Variants in TRIP13 observed in about 807,000 individuals in gnomAD.
The protein encoded by TRIP13 is pachytene checkpoint protein 2 homolog.
TRIP13 carries 25 observed loss-of-function variants against 54.4 expected under a neutral mutation model. That is an observed-to-expected ratio of 0.46 (90% CI 0.33 to 0.64). The LOEUF is 0.64. Ranked by LOEUF, TRIP13 falls within the 30% of genes least tolerant of loss-of-function variation. The probability of loss-of-function intolerance (pLI) is 0.02; values close to 1 mark genes in which losing one functional copy is unlikely to be tolerated. For missense variants in TRIP13, 373 were observed against 534.2 expected, an observed-to-expected ratio of 0.70 and a Z score of 2.97; for synonymous variants, 207 against 207.8, an observed-to-expected ratio of 1.00 and a Z score of 0.03.
chr5:893,531 T>G, intron 1 of TRIP13: 3 of 193,744 alleles, frequency 1.5e-5, no homozygotes, highest in Non-Finnish European at 1.1e-5. Flanking sequence ...CCTTTAATTG[T>G]TCCCGTTCCT....
rs1290502306 is a variant in TRIP13, at chr5:912,056, T to C, written c.1020+60T>C. ...GGATTTCTTATATGTTCTTAATTAA[T>C]TAAGATAGCTTAAAATAAGCTCGTT... On this transcript the variant is annotated intron_variant, in intron 10 of 12. Transcript: ENST00000166345. This position sits in a 1 kb window ranked among gnomAD's most constrained non-coding sequence, Gnocchi z 7.2. 9.0e-6 allele frequency: 14 copies of C among 1,553,116 alleles called. No individual in the cohort carries two copies. The Admixed American group carries it at 1.0e-4, about 11-fold the overall frequency.
intron 6 of TRIP13, among the ~76,000 whole-genome samples, chr5:906,836 T>A (rs962514481): frequency 6.6e-6 from 1 of 152,274 alleles, no homozygotes; most frequent in Non-Finnish European, 1.5e-5. Flanking sequence ...TTCTGTCTTA[T>A]GTTAGTACTG....
At position 917,670 on chromosome 5, in the gene TRIP13, G is replaced by A. The variant is rs1205782298; in HGVS notation, c.*567G>A. The stretch of plus-strand genomic sequence containing the variant: ...TATACCAACTGAGAAAAAAATGGTC[G>A]GTAAAGTGTTCTTTCATAATAAATA... On this transcript the variant is annotated 3_prime_UTR_variant, in exon 13 of 13. Coordinates refer to ENST00000166345, the MANE Select transcript of TRIP13 (RefSeq NM_004237.4). The A allele has an allele frequency of 6.6e-6, 1 of 152,146 alleles. No homozygotes were observed. 9.4% of individuals were successfully genotyped at this position (152,146 alleles called of 1,614,324 possible). A position where few individuals can be genotyped will look rare whatever the true frequency, so the allele number is the denominator to read the frequency against.
intron 2 of TRIP13, 73 bp from the exon 3 acceptor site, chr5:896,592 C>T (rs1189181547): frequency 6.6e-7 from 1 of 1,510,032 alleles, no homozygotes; most frequent in East Asian, 2.3e-5. Context: ...TAGACCTTAA[C>T]ATCTAATTTG....
At chr5:893,975 A>C (rs1753801162) in intron 1 of TRIP13, among the ~76,000 whole-genome samples, 1 of 152,138 alleles carries the variant, frequency 6.6e-6, no homozygotes, top group Non-Finnish European at 1.5e-5. Flanking sequence ...GGGCCCAGAG[A>C]CGCTAGGCAT....
At chr5:918,170 C>T (rs1057411350), downstream of TRIP13, 2 of 152,166 alleles carry the variant, frequency 1.3e-5, no homozygotes, top group Admixed American at 6.5e-5. This position sits in a 1 kb window ranked among gnomAD's most constrained non-coding sequence, Gnocchi z 4.3. Context: ...ACTGCATCAT[C>T]CAGAAGAAAT....
rs1754220060 is a variant in TRIP13 at position 911,041 on chromosome 5, G to A, written c.867-802G>A. Among the ~76,000 whole-genome samples, 1 of 152,240 alleles carries A rather than the reference G, an allele frequency of 6.6e-6. No individual in the cohort carries two copies. The highest frequency in any genetic ancestry group is 1.5e-5 in the Non-Finnish European group (1 of 68,034). On this transcript the variant is annotated intron_variant, in intron 9 of 12. Coordinates refer to ENST00000166345, the MANE Select transcript of TRIP13 (RefSeq NM_004237.4). The surrounding 1 kb of genome is among the most constrained non-coding windows in gnomAD (Gnocchi z 4.7). ...AGGCCTGTGCAGCATGCTCCCTGGG[G>A]GCACCTTGTGCCCGCTCTGCTGGCT...
At chr5:895,375 C>T (rs1347634331) in intron 2 of TRIP13, among the ~76,000 whole-genome samples, 3 of 152,154 alleles carry the variant, frequency 2.0e-5, no homozygotes, top group African/African-American at 7.2e-5. Context: ...ATGGCCACCT[C>T]ACCCACCATC....
At chr5:893,125 C>A in intron 1 of TRIP13, 35 bp downstream of exon 1, 3 of 1,520,182 alleles carry the variant, frequency 2.0e-6, no homozygotes, top group African/African-American at 1.4e-5. Flanking sequence ...CCTCTGGGCA[C>A]CCACCCGCCC....
In TRIP13 at chr5:912,109, T is replaced by C; in HGVS notation, c.1020+113T>C. 1 of 1,318,124 alleles carries C rather than the reference T, an allele frequency of 7.6e-7. No individual in the cohort carries two copies. The allele number at this position is 1,318,124 out of a possible 1,614,324, so 81.7% of individuals were successfully genotyped here. A position where few individuals can be genotyped will look rare whatever the true frequency, so the allele number is the denominator to read the frequency against. ...AGTACGGAGGATTTCAACATATGCA[T>C]TAACTCCCTTCTTAAATTGAAAACT... is the stretch of plus-strand genomic sequence containing the variant. On this transcript the variant is annotated intron_variant, in intron 10 of 12. Transcript: ENST00000166345. This position sits in a 1 kb window ranked among gnomAD's most constrained non-coding sequence, Gnocchi z 7.2.
rs1180731937 is a variant in TRIP13 at position 907,295 on chromosome 5, G to T, written c.672+102G>T. 3 of 1,045,920 alleles carry T rather than the reference G, an allele frequency of 2.9e-6. No homozygotes were observed. The highest frequency in any genetic ancestry group is 4.3e-6 in the Non-Finnish European group (3 of 694,124). 64.8% of individuals were successfully genotyped at this position (1,045,920 alleles called of 1,614,324 possible). A position where few individuals can be genotyped will look rare whatever the true frequency, so the allele number is the denominator to read the frequency against. Reference sequence around the variant, plus strand: ...TCCAGAAGCTTCAGGAGAGAACTGGGTGGGAAGGGTGTGTGAGGATTGGGG... The same window carrying T: ...TCCAGAAGCTTCAGGAGAGAACTGGTTGGGAAGGGTGTGTGAGGATTGGGG... On this transcript the variant is annotated intron_variant, in intron 7 of 12. Coordinates refer to ENST00000166345, the MANE Select transcript of TRIP13 (RefSeq NM_004237.4). This position sits in a 1 kb window ranked among gnomAD's most constrained non-coding sequence, Gnocchi z 4.1.
chr5:908,655 G>C lies in TRIP13; in HGVS notation c.866+194G>C. ...ATGCTTTTTAAAGAAATTGTTTTTA[G>C]TGTGTTAAAAATGTAATAGAAGGCC... On this transcript the variant is annotated intron_variant, in intron 9 of 12. Coordinates refer to ENST00000166345, the MANE Select transcript of TRIP13 (RefSeq NM_004237.4). The surrounding 1 kb of genome is among the most constrained non-coding windows in gnomAD (Gnocchi z 5.2). 1 of 1,415,000 alleles carries C rather than the reference G, an allele frequency of 7.1e-7. No individual in the cohort carries two copies. Among genetic ancestry groups the C allele is most frequent in the Non-Finnish European group, 9.2e-7 (1 of 1,082,690 alleles). 87.7% of individuals were successfully genotyped at this position (1,415,000 alleles called of 1,614,324 possible).
intron 6 of TRIP13, among the ~76,000 whole-genome samples, chr5:905,582 A>G (rs1309823745): frequency 6.6e-6 from 1 of 152,162 alleles, no homozygotes; most frequent in Non-Finnish European, 1.5e-5. Context: ...CCTCCCGGCA[A>G]GAAAGTTAGA....
Position 915,224 on chromosome 5 carries a change from C to T in TRIP13, c.1133+647C>T, listed in dbSNP as rs572242656. On this transcript the variant is annotated intron_variant, in intron 11 of 12. Coordinates refer to ENST00000166345, the MANE Select transcript of TRIP13 (RefSeq NM_004237.4). The surrounding 1 kb of genome is among the most constrained non-coding windows in gnomAD (Gnocchi z 4.2). ...AGATTTAAATCAGTTAAGATGGGAA[C>T]GAAGAACAGTTCAGAGACTTCTACA... Among the ~76,000 whole-genome samples, 1 of 152,356 alleles carries T rather than the reference C, an allele frequency of 6.6e-6. No homozygotes were observed. Among genetic ancestry groups the T allele is most frequent in the African/African-American group, 2.4e-5 (1 of 41,590 alleles).
chr5:906,998 A>G (rs1476431341), intron 6 of TRIP13, 132 bp from the exon 7 acceptor site: 7 of 709,184 alleles, frequency 9.9e-6, no homozygotes, highest in African/African-American at 8.9e-5. Context: ...GGATTCCTCA[A>G]TTCTTTGTCA....
chr5:894,890 T>A lies in TRIP13; in HGVS notation c.196T>A (p.Leu66Met). 6.2e-7 allele frequency: 1 copy of A among 1,614,120 alleles called. No homozygotes were observed. Among genetic ancestry groups the A allele is most frequent in the South Asian group, 1.1e-5 (1 of 91,040 alleles). Reference sequence around the variant, plus strand: ...ATGGACTGAGTTTGATGAACCTTTTTTGACCAGAAATGTGCAGTCTGTGTC... The same window carrying A: ...ATGGACTGAGTTTGATGAACCTTTTATGACCAGAAATGTGCAGTCTGTGTC... ...YTWTEFDEPFLTRNVQSVSII... is the reference protein window; with the variant it reads ...YTWTEFDEPFMTRNVQSVSII... The change falls in exon 2 of 13, where the codon TTG becomes ATG. Residue 66 changes from leucine to methionine, a missense_variant. By Grantham distance (15) the Leu-to-Met change is conservative. Coordinates refer to ENST00000166345, the MANE Select transcript of TRIP13 (RefSeq NM_004237.4).
intron 12 of TRIP13, among the ~76,000 whole-genome samples, chr5:916,801 C>T (rs1260479916): frequency 1.3e-5 from 2 of 152,104 alleles, no homozygotes; most frequent in South Asian, 2.1e-4. Context: ...GCGGGGGTCA[C>T]GTAGCCACCT....
In TRIP13 at chr5:907,865, G is replaced by A. The variant is rs1454626486; in HGVS notation, c.673-123G>A. The A allele has an allele frequency of 5.4e-6, 5 of 917,600 alleles. No individual in the cohort carries two copies. The Admixed American group carries it at 8.0e-5, about 15-fold the overall frequency. The allele number at this position is 917,600 out of a possible 1,614,324, so 56.8% of individuals were successfully genotyped here. A position where few individuals can be genotyped will look rare whatever the true frequency, so the allele number is the denominator to read the frequency against. ...TTCTCTGATTTAGGGAGCTTTCTGA[G>A]GGGCCGTCAGGAGACAGTGGGCTTG... On this transcript the variant is annotated intron_variant, in intron 7 of 12. Coordinates refer to ENST00000166345, the MANE Select transcript of TRIP13 (RefSeq NM_004237.4). This position sits in a 1 kb window ranked among gnomAD's most constrained non-coding sequence, Gnocchi z 4.1.
chr5:914,616 A>G, intron 11 of TRIP13, 39 bp downstream of exon 11: 1 of 1,519,042 alleles, frequency 6.6e-7, no homozygotes, highest in East Asian at 2.3e-5. Context: ...AGAAGAATCC[A>G]TTTGTGATAT....
Sources: allele counts gnomAD v4.1 joint callset (sites outside exome capture counted in the v4.1 genomes callset), GRCh38; gene constraint gnomAD v4.1.1; non-coding constraint Gnocchi (gnomAD v3.1); transcripts MANE v1.5; gene names NCBI Gene and HGNC (gene_info 2026-07-23, HGNC 2026-07-21).